TBCD: variants seen among roughly 807,000 people sequenced by gnomAD.
TBCD encodes the protein tubulin-specific chaperone D.
A neutral mutation model predicts 169.3 loss-of-function variants in TBCD; 105 were observed. The observed-to-expected ratio is 0.62, with a 90% CI of 0.53 to 0.73. TBCD has a LOEUF of 0.73. Among genes scored for constraint, TBCD ranks in the 30% least tolerant of loss-of-function variants. The probability of loss-of-function intolerance (pLI) is 0.00; values close to 1 mark genes in which losing one functional copy is unlikely to be tolerated. For missense variants in TBCD, 1,444 were observed against 1,600.1 expected, an observed-to-expected ratio of 0.90 and a Z score of 1.66; for synonymous variants, 700 against 643.9, an observed-to-expected ratio of 1.09 and a Z score of -1.32.
chr17:82,799,450 A>G (rs1450069483), intron 8 of TBCD, among the ~76,000 whole-genome samples: 1 of 147,000 alleles, frequency 6.8e-6, no homozygotes, highest in Non-Finnish European at 1.5e-5. Context: ...TCAAAAAAAA[A>G]AAAAAAAAAA....
chr17:82,772,285 A>G (rs1416618164), intron 5 of TBCD, among the ~76,000 whole-genome samples, 167 bp from the exon 6 acceptor site: 1 of 152,076 alleles, frequency 6.6e-6, no homozygotes, highest in Non-Finnish European at 1.5e-5. Flanking sequence ...CTTGGCTCAG[A>G]TTGAAGAGAG....
chr17:82,760,669 C>T (rs982230140), intron 2 of TBCD, among the ~76,000 whole-genome samples: 16 of 152,204 alleles, frequency 1.1e-4, no homozygotes, highest in Non-Finnish European at 2.1e-4. Flanking sequence ...AGAGTTCACT[C>T]TTCTAAATAT....
At chr17:82,785,682 C>T (rs1353096514) in intron 7 of TBCD, among the ~76,000 whole-genome samples, 1 of 127,510 alleles carries the variant, frequency 7.8e-6, no homozygotes, top group Non-Finnish European at 1.6e-5. Context: ...TCCCACCCAT[C>T]GCAGCGGGAG....
rs946834741 is a variant in TBCD, at chr17:82,920,941, G to A, written c.2101+323G>A. 3 of 360,824 alleles carry A rather than the reference G, an allele frequency of 8.3e-6. No individual in the cohort carries two copies. Among genetic ancestry groups the A allele is most frequent in the Non-Finnish European group, 1.0e-5 (2 of 197,392 alleles). 22.4% of individuals were successfully genotyped at this position (360,824 alleles called of 1,614,324 possible). A position where few individuals can be genotyped will look rare whatever the true frequency, so the allele number is the denominator to read the frequency against. ...GGGAGCTGCAGCCACCCAGGCCCTC[G>A]TGGACCAGGAGCGTGCCGGCCGCCG... On this transcript the variant is annotated intron_variant, in intron 24 of 38. Transcript: ENST00000355528. The surrounding 1 kb of genome is among the most constrained non-coding windows in gnomAD (Gnocchi z 4.1).
chr17:82,886,676 C>G (rs1364077909), intron 15 of TBCD, among the ~76,000 whole-genome samples: 1 of 35,972 alleles, frequency 2.8e-5, no homozygotes, highest in Non-Finnish European at 5.8e-5. Flanking sequence ...CTCCCCTCCC[C>G]TCCCCTCCCC....
chr17:82,920,270 G>T lies in TBCD; in HGVS notation c.2039-286G>T, dbSNP rs750344699. 6.6e-6 allele frequency among the ~76,000 whole-genome samples: 1 copy of T among 152,246 alleles called. No individual in the cohort carries two copies. Among genetic ancestry groups the T allele is most frequent in the Admixed American group, 6.5e-5 (1 of 15,282 alleles). On this transcript the variant is annotated intron_variant, in intron 23 of 38. Transcript: ENST00000355528. This position sits in a 1 kb window ranked among gnomAD's most constrained non-coding sequence, Gnocchi z 4.1. ...GACGTCTGCAGCTCCCTGACAGGCC[G>T]GCCCGGCTTCTCTGAAGTGCACGTG...
chr17:82,846,054 C>T (rs542694945), intron 13 of TBCD, among the ~76,000 whole-genome samples: 52 of 152,362 alleles, frequency 3.4e-4, no homozygotes, highest in Middle Eastern at 3.4e-3. Context: ...GGAACGGCTC[C>T]GGGCCGGAGG....
At position 82,849,952 on chromosome 17, in the gene TBCD, C is replaced by CCTGTGCTGCTGTTGG. The variant is rs1567886557; in HGVS notation, c.1319-20218_1319-20204dup. Among the ~76,000 whole-genome samples the CCTGTGCTGCTGTTGG allele has an allele frequency of 3.8e-3, 210 of 55,674 alleles. 5 individuals carry two copies. Among genetic ancestry groups the CCTGTGCTGCTGTTGG allele is most frequent in the African/African-American group, 0.01 (143 of 14,276 alleles). The allele number at this position is 55,674 out of a possible 152,430, so 36.5% of individuals were successfully genotyped here. Reference sequence around the variant, plus strand: ...TTTGCTGTTGGCTGTGCTGTTGTTGCCTGTGCTGCTGTTGGCTGTGCTGCT... The same window carrying CCTGTGCTGCTGTTGG: ...TTTGCTGTTGGCTGTGCTGTTGTTGCCTGTGCTGCTGTTGGCTGTGCTGCTGTTGGCTGTGCTGCT... On this transcript the variant is annotated intron_variant, in intron 13 of 38. Transcript: ENST00000355528.
chr17:82,907,732 A>C lies in TBCD; in HGVS notation c.1923-29A>C, dbSNP rs754856823. 5 of 1,612,678 alleles carry C rather than the reference A, an allele frequency of 3.1e-6. No individual in the cohort carries two copies. The East Asian group carries it at 1.1e-4, about 36-fold the overall frequency. On this transcript the variant is annotated intron_variant, in intron 20 of 38. Coordinates refer to ENST00000355528, the MANE Select transcript of TBCD (RefSeq NM_005993.5). ...CGGGGTTAGGGTCTTGGGGAGTGTG[A>C]CTTCAGCTCTGTGTTTGAACTTCTG...
intron 9 of TBCD, 126 bp from the exon 10 acceptor site, chr17:82,805,749 C>T: frequency 8.7e-7 from 1 of 1,145,614 alleles, no homozygotes; most frequent in Non-Finnish European, 1.2e-6. Context: ...CTTATCCGGT[C>T]TCTGCAAAGT....
intron 37 of TBCD, among the ~76,000 whole-genome samples, chr17:82,940,229 A>ACACACTCACACACACACT (rs61103963): frequency 2.1e-5 from 3 of 145,438 alleles, no homozygotes; most frequent in Non-Finnish European, 4.7e-5. Context: ...GCGCACACAC[A>ACACACTCACACACACACT]CACACACACA....
At position 82,940,221 on chromosome 17, in the gene TBCD, G is replaced by GCACACACACACACACA. The variant is rs71168175; in HGVS notation, c.3479+755_3479+770dup. 7.5e-3 allele frequency among the ~76,000 whole-genome samples: 989 copies of GCACACACACACACACA among 131,774 alleles called. 5 individuals are homozygous for GCACACACACACACACA. Among genetic ancestry groups the GCACACACACACACACA allele is most frequent in the East Asian group, 0.031 (137 of 4,416 alleles). 86.4% of individuals were successfully genotyped at this position (131,774 alleles called of 152,430 possible). On this transcript the variant is annotated intron_variant, in intron 37 of 38. Coordinates refer to ENST00000355528, the MANE Select transcript of TBCD (RefSeq NM_005993.5). Reference sequence around the variant, plus strand: ...CACACACATGCTCACTTGCACGCGCGCACACACACACACACACACACACAC... The same window carrying GCACACACACACACACA: ...CACACACATGCTCACTTGCACGCGCGCACACACACACACACACACACACACACACACACACACACAC...
In TBCD at chr17:82,884,004, C is replaced by T; in HGVS notation, c.1476-141C>T. 1.3e-6 allele frequency: 1 copy of T among 752,086 alleles called. No individual in the cohort carries two copies. Among genetic ancestry groups the T allele is most frequent in the Non-Finnish European group, 2.2e-6 (1 of 452,408 alleles). The allele number at this position is 752,086 out of a possible 1,614,324, so 46.6% of individuals were successfully genotyped here. On this transcript the variant is annotated intron_variant, in intron 14 of 38. Transcript: ENST00000355528. The surrounding 1 kb of genome is among the most constrained non-coding windows in gnomAD (Gnocchi z 4.2). Reference sequence around the variant, plus strand: ...GTGTCTGTCTGCAGTCCCTGGGTGCCTCAAGCTGTGTGTTGCCTGTGGGGC... The same window carrying T: ...GTGTCTGTCTGCAGTCCCTGGGTGCTTCAAGCTGTGTGTTGCCTGTGGGGC...
intron 13 of TBCD, chr17:82,830,398 C>T: frequency 1.9e-6 from 3 of 1,611,962 alleles, no homozygotes; most frequent in Non-Finnish European, 2.5e-6. Flanking sequence ...CGCCAGCTGG[C>T]ACAGGGCCAC....
At position 82,809,746 on chromosome 17, in the gene TBCD, C is replaced by A. The variant is rs201046462; in HGVS notation, c.1187C>A (p.Ala396Glu). 2 of 1,613,512 alleles carry A rather than the reference C, an allele frequency of 1.2e-6. No individual in the cohort carries two copies. Among genetic ancestry groups the A allele is most frequent in the Non-Finnish European group, 1.7e-6 (2 of 1,179,674 alleles). ...RMAGRLPRAL[A>E]DDVVGSVLDC... ...GCTGGCAGGCTTCCCAGAGCCCTGGCGGATGATGTGGTCGGGTCTGTGCTG... is the reference window on the plus strand; with the variant it reads ...GCTGGCAGGCTTCCCAGAGCCCTGGAGGATGATGTGGTCGGGTCTGTGCTG... The change falls in exon 12 of 39, where the codon GCG (alanine) becomes GAG (glutamate). Residue 396 changes from alanine to glutamate, a missense_variant. By Grantham distance (107) the Ala-to-Glu change is moderately radical. Coordinates refer to ENST00000355528, the MANE Select transcript of TBCD (RefSeq NM_005993.5).
chr17:82,821,112 G>GAA lies in TBCD; in HGVS notation c.1318+6186_1318+6187dup, dbSNP rs11398809. 7.1e-4 allele frequency among the ~76,000 whole-genome samples: 108 copies of GAA among 151,524 alleles called. 1 individual carries two copies. The Middle Eastern group carries it at 0.01, about 15-fold the overall frequency. ...CTGAGACCACAGGCCTGCTGCACTG[G>GAA]AAAAAAAAATTGTAGAAACAGGATC... On this transcript the variant is annotated intron_variant, in intron 13 of 38. Transcript: ENST00000355528.
At chr17:82,901,924 T>C (rs2059922005) in intron 18 of TBCD, among the ~76,000 whole-genome samples, 1 of 152,208 alleles carries the variant, frequency 6.6e-6, no homozygotes, top group Admixed American at 6.5e-5. Flanking sequence ...TATCAGCCGA[T>C]TAGTCAATAA....
At chr17:82,763,565 A>AC (rs536771582) in intron 2 of TBCD, among the ~76,000 whole-genome samples, 1 of 151,716 alleles carries the variant, frequency 6.6e-6, no homozygotes. Context: ...ACATGGTGAA[A>AC]CCCCGTCTCT....
chr17:82,858,826 C>T (rs757179491), intron 13 of TBCD, among the ~76,000 whole-genome samples: 4 of 152,188 alleles, frequency 2.6e-5, no homozygotes, highest in Non-Finnish European at 4.4e-5. Flanking sequence ...GAGGAGGGTG[C>T]GGCTCGTGGG....
Sources: allele counts gnomAD v4.1 joint callset (sites outside exome capture counted in the v4.1 genomes callset), GRCh38; gene constraint gnomAD v4.1.1; non-coding constraint Gnocchi (gnomAD v3.1); transcripts MANE v1.5; gene names NCBI Gene and HGNC (gene_info 2026-07-23, HGNC 2026-07-21).